Variants in PML observed in about 807,000 individuals in gnomAD.
PML encodes PML nuclear body scaffold.
PML carries 28 observed loss-of-function variants against 65.2 expected under a neutral mutation model. The ratio of observed to expected loss-of-function variants is 0.43; its 90% CI spans 0.32 to 0.59. The LOEUF (loss-of-function observed/expected upper bound fraction) is 0.59. Ranked by LOEUF, PML falls within the 20% of genes least tolerant of loss-of-function variation. The probability of loss-of-function intolerance (pLI) is 0.08; values close to 1 mark genes in which losing one functional copy is unlikely to be tolerated. For missense variants in PML, 1,021 were observed against 1,203.4 expected (o/e 0.85, Z 2.24); for synonymous variants, 500 against 508.8 (o/e 0.98, Z 0.23).
At chr15:74,007,972 T>C (rs570794566) in intron 2 of PML, among the ~76,000 whole-genome samples, 55 of 152,318 alleles carry the variant, frequency 3.6e-4, no homozygotes, top group Non-Finnish European at 6.6e-4. Flanking sequence ...ATGTTTGCCC[T>C]CAGCAACATG....
Position 74,043,910 on chromosome 15 carries a change from G to A in PML, c.1862-311G>A, listed in dbSNP as rs975500726. 2.0e-5 allele frequency among the ~76,000 whole-genome samples: 3 copies of A among 152,162 alleles called. No individual in the cohort carries two copies. Among genetic ancestry groups the A allele is most frequent in the African/African-American group, 7.2e-5 (3 of 41,440 alleles). On this transcript the variant is annotated intron_variant, in intron 8 of 8. Transcript: ENST00000268058. This position sits in a 1 kb window ranked among gnomAD's most constrained non-coding sequence, Gnocchi z 4.3. ...GGGATCTCTAGTATAGGTGGCTGAG[G>A]CTGATAGAAGACAGGAGGGACCTGT...
At position 73,998,461 on chromosome 15, in the gene PML, C is replaced by A. The variant is rs35291318; in HGVS notation, c.587C>A (p.Thr196Asn). Residue 196 changes from threonine (T) to asparagine (N), a missense_variant, in exon 2 of 9, where the codon ACC becomes AAC. Transcript: ENST00000268058. The part of the protein sequence containing the change: ...NIFCSNPNHR[T>N]PTLTSIYCRG... Reference sequence around the variant, plus strand: ...TTCTGCTCCAACCCCAACCACCGCACCCCTACGCTGACCAGGTGAGTAGGC... The same window carrying A: ...TTCTGCTCCAACCCCAACCACCGCAACCCTACGCTGACCAGGTGAGTAGGC... The A allele has an allele frequency of 5.6e-6, 9 of 1,613,788 alleles. No individual in the cohort carries two copies. Among genetic ancestry groups the A allele is most frequent in the Non-Finnish European group, 7.6e-6 (9 of 1,179,942 alleles).
chr15:74,033,173 G>C lies in PML; in HGVS notation c.1416G>C (p.Thr472=), dbSNP rs142009914. Residue 472 remains threonine, a synonymous_variant, in exon 6 of 9, where the codon ACG becomes ACC. Transcript: ENST00000268058. ...CTATGCAGGATGTCTCCAATACAAC[G>C]ACAGCCCAGAAGAGGAAGTGCAGCC... ...PSYGEDVSNT[T]TAQKRKCSQT... The C allele has an allele frequency of 6.2e-7, 1 of 1,614,098 alleles. No individual in the cohort carries two copies. The highest frequency in any genetic ancestry group is 1.1e-5 in the South Asian group (1 of 91,064).
In PML at chr15:74,042,828, A is replaced by G. The variant is rs1282981724; in HGVS notation, c.1711-161A>G. The G allele has an allele frequency of 1.0e-6, 1 of 985,084 alleles. No homozygotes were observed. The highest frequency in any genetic ancestry group is 1.2e-6 in the Non-Finnish European group (1 of 829,826). The allele number at this position is 985,084 out of a possible 1,614,324, so 61.0% of individuals were successfully genotyped here. ...TGACACACCCAGTTCACACCCATTC[A>G]TGCACACATACCTTCTCTTGTGCAC... On this transcript the variant is annotated intron_variant, in intron 7 of 8. Coordinates refer to ENST00000268058, the MANE Select transcript of PML (RefSeq NM_033238.3). The surrounding 1 kb of genome is among the most constrained non-coding windows in gnomAD (Gnocchi z 5.3).
intron 2 of PML, among the ~76,000 whole-genome samples, chr15:74,007,636 A>G (rs1168066639): frequency 6.6e-6 from 1 of 152,234 alleles, no homozygotes; most frequent in Non-Finnish European, 1.5e-5. Context: ...GAGCAGCCCC[A>G]GAGGTGGCTT....
chr15:74,035,036 G>A lies in PML; in HGVS notation c.1710+506G>A. 6.8e-7 allele frequency: 1 copy of A among 1,467,126 alleles called. No homozygotes were observed. The highest frequency in any genetic ancestry group is 1.7e-5 in the Admixed American group (1 of 57,342). 90.9% of individuals were successfully genotyped at this position (1,467,126 alleles called of 1,614,324 possible). A position where few individuals can be genotyped will look rare whatever the true frequency, so the allele number is the denominator to read the frequency against. ...TGGCCTCGTGGGTAGTGACCCTTCT[G>A]TCCCTAGAGGTTTATTACTAGAGGC... On this transcript the variant is annotated intron_variant, in intron 7 of 8. Coordinates refer to ENST00000268058, the MANE Select transcript of PML (RefSeq NM_033238.3). This position sits in a 1 kb window ranked among gnomAD's most constrained non-coding sequence, Gnocchi z 4.1.
chr15:74,033,641 C>T, intron 6 of PML: 1 of 691,910 alleles, frequency 1.4e-6, no homozygotes, highest in Non-Finnish European at 2.6e-6. Context: ...GGCTAAAATG[C>T]ACAGTTCTAT....
intron 2 of PML, 82 bp downstream of exon 2, chr15:73,998,558 C>G (rs915989525): frequency 9.0e-6 from 11 of 1,218,304 alleles, no homozygotes; most frequent in South Asian, 1.3e-5. Context: ...AAGAGTCACA[C>G]AGCTGAGGAC....
rs536738558 is a variant in PML, at chr15:74,010,185, A to ATTTTTT, written c.602+11732_602+11737dup. Reference sequence around the variant, plus strand: ...AGACATGCACCACCATGCCCAGCTAATTTTTTTTTTTTTTTTTTTTTTTTT... The same window carrying ATTTTTT: ...AGACATGCACCACCATGCCCAGCTAATTTTTTTTTTTTTTTTTTTTTTTTTTTTTTT... On this transcript the variant is annotated intron_variant, in intron 2 of 8. Transcript: ENST00000268058. Among the ~76,000 whole-genome samples, 523 of 77,914 alleles carry ATTTTTT rather than the reference A, an allele frequency of 6.7e-3. 39 individuals carry two copies. The highest frequency in any genetic ancestry group is 0.02 in the African/African-American group (403 of 19,852). 51.1% of individuals were successfully genotyped at this position (77,914 alleles called of 152,430 possible). A position where few individuals can be genotyped will look rare whatever the true frequency, so the allele number is the denominator to read the frequency against.
rs1454858478 is a variant in PML at position 74,015,542 on chromosome 15, A to G, written c.603-7286A>G. On this transcript the variant is annotated intron_variant, in intron 2 of 8. Transcript: ENST00000268058. ...TTGCTTCTTGCATTTTAGAGCTACCAGTTTCCTAGAACAGCAGAAGTAGCA... is the reference window on the plus strand; with the variant it reads ...TTGCTTCTTGCATTTTAGAGCTACCGGTTTCCTAGAACAGCAGAAGTAGCA... Among the ~76,000 whole-genome samples, 3 of 152,182 alleles carry G rather than the reference A, an allele frequency of 2.0e-5. No individual in the cohort carries two copies. In the East Asian group the frequency reaches 5.8e-4, roughly 29 times the overall value.
rs755902214 is a variant in PML, at chr15:74,022,945, G to C, written c.720G>C (p.Leu240=). Residue 240 remains leucine, a synonymous_variant, in exon 3 of 9, where the codon CTG becomes CTC. Coordinates refer to ENST00000268058, the MANE Select transcript of PML (RefSeq NM_033238.3). ...SAEIQQRQEE[L]DAMTQALQEQ... The stretch of plus-strand genomic sequence containing the variant: ...AGATCCAGCAGCGACAGGAGGAGCT[G>C]GACGCCATGACGCAGGCGCTGCAGG... 1 of 1,611,652 alleles carries C rather than the reference G, an allele frequency of 6.2e-7. No homozygotes were observed. The highest frequency in any genetic ancestry group is 8.5e-7 in the Non-Finnish European group (1 of 1,179,136).
At chr15:74,011,970 G>C (rs964126455) in intron 2 of PML, among the ~76,000 whole-genome samples, 2 of 152,178 alleles carry the variant, frequency 1.3e-5, no homozygotes, top group African/African-American at 4.8e-5. Context: ...AATTCTAAAA[G>C]TTGTTTCTTA....
chr15:73,996,896 C>G (rs1338960895), intron 1 of PML, among the ~76,000 whole-genome samples: 1 of 152,158 alleles, frequency 6.6e-6, no homozygotes, highest in African/African-American at 2.4e-5. Flanking sequence ...AGTAGAGGAT[C>G]TTGACTGCAA....
chr15:74,030,419 C>T (rs1054719201), intron 4 of PML, among the ~76,000 whole-genome samples: 15 of 152,100 alleles, frequency 9.9e-5, no homozygotes, highest in African/African-American at 1.4e-4. Flanking sequence ...GAGGCCGAGG[C>T]GGGTGGATCA....
rs769734938 is a variant in PML, at chr15:74,033,166, A to G, written c.1409A>G (p.Asn470Ser). 36 of 1,614,018 alleles carry G rather than the reference A, an allele frequency of 2.2e-5. No individual in the cohort carries two copies. Among genetic ancestry groups the G allele is most frequent in the Non-Finnish European group, 3.0e-5 (35 of 1,179,994 alleles). Residue 470 changes from asparagine to serine, a missense_variant, in exon 6 of 9, where the codon AAT becomes AGT. Asn to Ser is a conservative substitution (Grantham distance 46). Coordinates refer to ENST00000268058, the MANE Select transcript of PML (RefSeq NM_033238.3). ...KGPSYGEDVS[N>S]TTTAQKRKCS... is the part of the protein sequence containing the mutation. ...ACTCCCTCTATGCAGGATGTCTCCAATACAACGACAGCCCAGAAGAGGAAG... is the reference window on the plus strand; with the variant it reads ...ACTCCCTCTATGCAGGATGTCTCCAGTACAACGACAGCCCAGAAGAGGAAG...
Position 74,044,644 on chromosome 15 carries a change from G to T in PML, c.2285G>T (p.Gly762Val), listed in dbSNP as rs140925157. 1.2e-6 allele frequency: 2 copies of T among 1,605,378 alleles called. No individual in the cohort carries two copies. The highest frequency in any genetic ancestry group is 1.7e-6 in the Non-Finnish European group (2 of 1,179,882). ...TGCCGCCTCCTCGAGGTCTCCCCGG[G>T]CCCCCAGCTGGCCCAGCATGTCTAC... ...DLCRLLEVSP[G>V]PQLAQHVYPF... The change falls in exon 9 of 9, where the codon GGC becomes GTC. Residue 762 changes from glycine to valine, a missense_variant. By Grantham distance (109) the Gly-to-Val change is moderately radical (BLOSUM62 -3). Transcript: ENST00000268058.
At chr15:74,014,859 G>A (rs1456687014) in intron 2 of PML, among the ~76,000 whole-genome samples, 1 of 152,190 alleles carries the variant, frequency 6.6e-6, no homozygotes, top group Non-Finnish European at 1.5e-5. Flanking sequence ...CCATAAAGAT[G>A]GCAGGAGAAA....
chr15:74,020,173 A>G (rs1328791759), intron 2 of PML, among the ~76,000 whole-genome samples: 1 of 151,900 alleles, frequency 6.6e-6, no homozygotes, highest in South Asian at 2.1e-4. Flanking sequence ...GATGAGCACT[A>G]TGTATCAGTC....
At chr15:74,023,761 G>A (rs1177020291) in intron 3 of PML, among the ~76,000 whole-genome samples, 1 of 152,170 alleles carries the variant, frequency 6.6e-6, no homozygotes, top group Non-Finnish European at 1.5e-5. Context: ...GTTCTCTTAA[G>A]CCACCGGTGT....
Sources: allele counts gnomAD v4.1 joint callset (sites outside exome capture counted in the v4.1 genomes callset), GRCh38; gene constraint gnomAD v4.1.1; non-coding constraint Gnocchi (gnomAD v3.1); transcripts MANE v1.5; gene names NCBI Gene and HGNC (gene_info 2026-07-23, HGNC 2026-07-21).